MSANTD4: variants seen among roughly 807,000 people sequenced by gnomAD.
The protein encoded by MSANTD4 is myb/SANT-like DNA-binding domain-containing protein 4.
MSANTD4 carries 13 observed loss-of-function variants against 34.3 expected under a neutral mutation model. The ratio of observed to expected loss-of-function variants is 0.38; its 90% confidence interval spans 0.25 to 0.60. The LOEUF (loss-of-function observed/expected upper bound fraction) is 0.60, where lower values mean the gene tolerates loss of function less well. Among genes scored for constraint, MSANTD4 ranks in the 20% least tolerant of loss-of-function variants. The pLI is 0.63. For missense variants in MSANTD4, 358 were observed against 401.8 expected (o/e 0.89, Z 0.93); for synonymous variants, 137 against 145.2 (o/e 0.94, Z 0.41).
At chr11:106,016,033 G>C (rs962692407) in intron 1 of MSANTD4, among the ~76,000 whole-genome samples, 11 of 152,026 alleles carry the variant, frequency 7.2e-5, no homozygotes, top group African/African-American at 2.7e-4. Context: ...AATTTTTAAA[G>C]CTTTTATATA....
Position 106,010,688 on chromosome 11 carries a change from C to A in MSANTD4, c.230G>T (p.Arg77Leu). ...TEVKRRYLDW[R>L]ALMKRKRMKA... is the part of the protein sequence containing the mutation. Reference sequence around the variant, plus strand: ...CATCCTCTTTCTCTTCATAAGTGCTCGCCAGTCAAGGTACCTTCTTTTCAC... The same window carrying A: ...CATCCTCTTTCTCTTCATAAGTGCTAGCCAGTCAAGGTACCTTCTTTTCAC... The change falls in exon 2 of 3, where the codon CGA (arginine) becomes CTA (leucine). Residue 77 changes from arginine (R) to leucine (L), a missense_variant. Transcript: ENST00000301919. 6.2e-7 allele frequency: 1 copy of A among 1,614,090 alleles called. No homozygotes were observed. The highest frequency in any genetic ancestry group is 8.5e-7 in the Non-Finnish European group (1 of 1,180,010).
chr11:106,012,695 G>A (rs1859732681), intron 1 of MSANTD4, among the ~76,000 whole-genome samples: 1 of 152,180 alleles, frequency 6.6e-6, no homozygotes, highest in Non-Finnish European at 1.5e-5. Flanking sequence ...AACTCTCGAA[G>A]TGGGACCTAG....
chr11:106,010,118 C>G lies in MSANTD4; in HGVS notation c.463-8G>C, dbSNP rs777307260. The G allele has an allele frequency of 6.5e-7, 1 of 1,542,906 alleles. No homozygotes were observed. The highest frequency in any genetic ancestry group is 8.7e-7 in the Non-Finnish European group (1 of 1,153,268). On this transcript the variant is annotated splice_polypyrimidine_tract_variant and splice_region_variant and intron_variant, in intron 2 of 2. Transcript: ENST00000301919. ...CTCCTCCTCAATTTCAAACTAAGAGCAAAGAGAAAAGCAATTTTCAGTATT... is the reference window on the plus strand; with the variant it reads ...CTCCTCCTCAATTTCAAACTAAGAGGAAAGAGAAAAGCAATTTTCAGTATT...
intron 2 of MSANTD4, 60 bp from the exon 3 acceptor site, chr11:106,010,170 A>C (rs1272581737): frequency 1.4e-6 from 2 of 1,433,904 alleles, no homozygotes; most frequent in Non-Finnish European, 1.9e-6. Flanking sequence ...CAATTTGTCT[A>C]AATATTTCTT....
intron 1 of MSANTD4, among the ~76,000 whole-genome samples, chr11:106,014,106 G>A (rs1177711698): frequency 6.6e-6 from 1 of 152,124 alleles, no homozygotes; most frequent in East Asian, 1.9e-4. Flanking sequence ...GCAAACATAT[G>A]CAACACTTAA....
Position 106,010,723 on chromosome 11 carries a change from T to A in MSANTD4, c.195A>T (p.Thr65=). The A allele has an allele frequency of 6.2e-7, 1 of 1,614,216 alleles. No homozygotes were observed. Among genetic ancestry groups the A allele is most frequent in the Non-Finnish European group, 8.5e-7 (1 of 1,180,022 alleles). The change falls in exon 2 of 3, where the codon ACA becomes ACT. Residue 65 remains threonine, a synonymous_variant. Coordinates refer to ENST00000301919, the MANE Select transcript of MSANTD4 (RefSeq NM_032424.3). ...GGTACCTTCTTTTCACCTCTGTCCC[T>A]GTCCTCTGTTCTCCTTCTCCTACAG... ...VNAVGEGEQR[T]GTEVKRRYLD...
rs1859635347 is a variant in MSANTD4, at chr11:106,009,847, A to C, written c.726T>G (p.His242Gln). 2 of 1,613,992 alleles carry C rather than the reference A, an allele frequency of 1.2e-6. No individual in the cohort carries two copies. Among genetic ancestry groups the C allele is most frequent in the Non-Finnish European group, 1.7e-6 (2 of 1,180,008 alleles). Residue 242 changes from histidine to glutamine, a missense_variant, in exon 3 of 3, where the codon CAT becomes CAG. His to Gln is a conservative substitution (Grantham distance 24). This residue lies in a region of MSANTD4 where 312 missense variants were observed against 317.6 expected (regional missense o/e 0.98). Coordinates refer to ENST00000301919, the MANE Select transcript of MSANTD4 (RefSeq NM_032424.3). ...GAAGCCGCTCATGTTCCATGTCTAA[A>C]TGCCGCAGCCTCTCTTTCTCGATTT... is the stretch of plus-strand genomic sequence containing the variant. ...RLQIEKERLR[H>Q]LDMEHERLQL...
intron 1 of MSANTD4, among the ~76,000 whole-genome samples, chr11:106,018,644 C>T (rs566194063): frequency 2.6e-5 from 4 of 152,186 alleles, no homozygotes; most frequent in African/African-American, 9.6e-5. Context: ...AAGAAAAGAC[C>T]TCATCTGCCA....
rs1441346232 is a variant in MSANTD4, at chr11:106,008,885, A to AAT, written c.*648_*649dup. ...TTTATAGATGGAAACATGGGAATAAAATACCTATAATCTTCATCACTTCCT... is the reference window on the plus strand; with the variant it reads ...TTTATAGATGGAAACATGGGAATAAAATATACCTATAATCTTCATCACTTCCT... On this transcript the variant is annotated 3_prime_UTR_variant, in exon 3 of 3. Transcript: ENST00000301919. The AAT allele has an allele frequency of 6.6e-6, 1 of 152,210 alleles. No homozygotes were observed. Among genetic ancestry groups the AAT allele is most frequent in the African/African-American group, 2.4e-5 (1 of 41,462 alleles). The allele number at this position is 152,210 out of a possible 1,614,324, so 9.4% of individuals were successfully genotyped here.
In MSANTD4 at chr11:106,009,806, C is replaced by T. The variant is rs781095286; in HGVS notation, c.767G>A (p.Arg256Gln). 2.5e-6 allele frequency: 4 copies of T among 1,614,008 alleles called. No individual in the cohort carries two copies. The highest frequency in any genetic ancestry group is 2.7e-5 in the African/African-American group (2 of 74,890). The change falls in exon 3 of 3, where the codon CGG (arginine) becomes CAG (glutamine). Residue 256 changes from arginine to glutamine, a missense_variant. Physicochemically the swap from Arg to Gln is conservative, Grantham distance 43. This residue lies in a region of MSANTD4 where 312 missense variants were observed against 317.6 expected (regional missense o/e 0.98). Transcript: ENST00000301919. ...CAACTTTTCTCTTTCAATCTGCAGCCGCTCCTTCTCTAGCTGAAGCCGCTC... is the reference window on the plus strand; with the variant it reads ...CAACTTTTCTCTTTCAATCTGCAGCTGCTCCTTCTCTAGCTGAAGCCGCTC... ...EHERLQLEKERLQIEREKLRL... is the reference protein window; with the variant it reads ...EHERLQLEKEQLQIEREKLRL...
Position 106,010,536 on chromosome 11 carries a change from C to T in MSANTD4, c.382G>A (p.Val128Met). Residue 128 changes from valine to methionine, a missense_variant, in exon 2 of 3, where the codon GTG becomes ATG. By Grantham distance (21) the Val-to-Met change is conservative. Transcript: ENST00000301919. ...RNDANFDWQN[V>M]ADFRDAGGSL... ...CCACCTGCATCCCTGAAATCTGCCA[C>T]ATTTTGCCAGTCAAAATTTGCATCA... 2 of 1,614,204 alleles carry T rather than the reference C, an allele frequency of 1.2e-6. No homozygotes were observed. The highest frequency in any genetic ancestry group is 2.2e-5 in the South Asian group (2 of 91,086).
intron 1 of MSANTD4, among the ~76,000 whole-genome samples, chr11:106,019,484 T>C (rs187329832): frequency 4.5e-4 from 68 of 152,344 alleles, no homozygotes; most frequent in African/African-American, 1.6e-3. Context: ...CAAGCCATCA[T>C]GGTCCCTGAC....
In MSANTD4 at chr11:106,010,658, G is replaced by C. The variant is rs764647349; in HGVS notation, c.260C>G (p.Ala87Gly). The change falls in exon 2 of 3, where the codon GCC becomes GGC. Residue 87 changes from alanine (A) to glycine (G), a missense_variant. Physicochemically the swap from Ala to Gly is moderately conservative, Grantham distance 60 (BLOSUM62 0). This residue lies in a region of MSANTD4 where 312 missense variants were observed against 317.6 expected (regional missense o/e 0.98). Coordinates refer to ENST00000301919, the MANE Select transcript of MSANTD4 (RefSeq NM_032424.3). ...TCCTGAACCAACCAGCTTAATGTTG[G>C]CCTTCATCCTCTTTCTCTTCATAAG... Reference protein sequence around the residue: ...RALMKRKRMKANIKLVGSGFP... With the variant: ...RALMKRKRMKGNIKLVGSGFP... The C allele has an allele frequency of 1.2e-6, 2 of 1,614,114 alleles. No homozygotes were observed. Among genetic ancestry groups the C allele is most frequent in the African/African-American group, 1.3e-5 (1 of 75,024 alleles).
At chr11:106,017,353 A>C (rs1323827734) in intron 1 of MSANTD4, among the ~76,000 whole-genome samples, 1 of 152,242 alleles carries the variant, frequency 6.6e-6, no homozygotes, top group African/African-American at 2.4e-5. Flanking sequence ...TCATGTGCAC[A>C]GTCATTTCTG....
chr11:106,015,707 CTTT>C (rs759389399), intron 1 of MSANTD4, among the ~76,000 whole-genome samples: 1 of 144,542 alleles, frequency 6.9e-6, no homozygotes, highest in Non-Finnish European at 1.5e-5. Flanking sequence ...CAAATTAGAA[CTTT>C]TTTTTTTTTT....
chr11:106,012,066 G>A (rs1217418697), intron 1 of MSANTD4, among the ~76,000 whole-genome samples: 3 of 150,178 alleles, frequency 2.0e-5, no homozygotes, highest in Non-Finnish European at 4.4e-5. Context: ...AAAATGGCAA[G>A]GATTTTACCC....
intron 1 of MSANTD4, among the ~76,000 whole-genome samples, chr11:106,019,110 A>G (rs1202017828): frequency 6.6e-6 from 1 of 151,938 alleles, no homozygotes; most frequent in Non-Finnish European, 1.5e-5. Flanking sequence ...ACACTTTCCC[A>G]TCTACCTTTT....
chr11:106,011,104 C>A, intron 1 of MSANTD4, 37 bp from the exon 2 acceptor site: 1 of 965,106 alleles, frequency 1.0e-6, no homozygotes, highest in Non-Finnish European at 1.5e-6. Flanking sequence ...AATCAATCTG[C>A]AACTTCTACA....
At chr11:106,015,197 T>G (rs1443023211) in intron 1 of MSANTD4, among the ~76,000 whole-genome samples, 1 of 152,226 alleles carries the variant, frequency 6.6e-6, no homozygotes. Context: ...GTAGTGTGTG[T>G]AGTAGTTATG....
Sources: allele counts gnomAD v4.1 joint callset (sites outside exome capture counted in the v4.1 genomes callset), GRCh38; gene constraint gnomAD v4.1.1; regional missense constraint gnomAD v4.1.1; transcripts MANE v1.5; gene names NCBI Gene and HGNC (gene_info 2026-07-23, HGNC 2026-07-21).